SPG11: variants seen among roughly 807,000 people sequenced by gnomAD.
SPG11 encodes SPG11 vesicle trafficking associated, spatacsin.
Under a neutral mutation model 274.0 loss-of-function variants are expected in SPG11, and 222 were observed. That is an observed-to-expected ratio of 0.81 (90% CI 0.73 to 0.91). SPG11 has a LOEUF of 0.91. Among genes scored for constraint, SPG11 ranks in the 40% least tolerant of loss-of-function variants. SPG11 has a pLI of 0.00. For missense variants in SPG11, 3,114 were observed against 2,872.7 expected (o/e 1.08, Z -1.92); for synonymous variants, 1,144 against 1,039.7 (o/e 1.10, Z -1.93).
At chr15:44,586,434 T>A (rs1464949742) in intron 28 of SPG11, among the ~76,000 whole-genome samples, 1 of 151,318 alleles carries the variant, frequency 6.6e-6, no homozygotes, top group African/African-American at 2.4e-5. Context: ...TCACTTGAGG[T>A]CAGGAAAGAC....
intron 7 of SPG11, among the ~76,000 whole-genome samples, chr15:44,636,975 T>C (rs1209200782): frequency 9.3e-5 from 7 of 75,612 alleles, no homozygotes; most frequent in Non-Finnish European, 1.9e-4. Context: ...AAAACACAAA[T>C]GTGGTAAAAT....
intron 8 of SPG11, among the ~76,000 whole-genome samples, chr15:44,631,693 C>T (rs1262228872): frequency 6.8e-6 from 1 of 147,308 alleles, no homozygotes; most frequent in Non-Finnish European, 1.5e-5. Context: ...AAAATAGAGG[C>T]TGAGTCTCAC....
intron 7 of SPG11, among the ~76,000 whole-genome samples, chr15:44,639,117 CAAATT>C (rs1269507588): frequency 2.0e-5 from 3 of 151,696 alleles, no homozygotes; most frequent in Non-Finnish European, 2.9e-5. Context: ...ATTACAGTAA[CAAATT>C]AAAGGAGATT....
At position 44,589,394 on chromosome 15, in the gene SPG11, C is replaced by A. The variant is rs1317045800; in HGVS notation, c.4764G>T (p.Lys1588Asn). ...SLETLNTAAT[K>N]VHPVIPAMWL... is the part of the protein sequence containing the mutation. ...ACATGGCAGGGATGACAGGGTGGAC[C>A]TTTGTGGCTGCTGTGTTAAGCTATG... is the stretch of plus-strand genomic sequence containing the variant. The change falls in exon 28 of 40, where the codon AAG becomes AAT. Residue 1588 changes from lysine (K) to asparagine (N), a missense_variant. Physicochemically the swap from Lys to Asn is moderately conservative, Grantham distance 94. Transcript: ENST00000261866. The A allele has an allele frequency of 6.2e-7, 1 of 1,614,076 alleles. No homozygotes were observed. The highest frequency in any genetic ancestry group is 1.1e-5 in the South Asian group (1 of 91,078).
At chr15:44,629,017 C>CCCTTT (rs1400294801) in intron 9 of SPG11, among the ~76,000 whole-genome samples, 173 bp from the exon 10 acceptor site, 8 of 152,160 alleles carry the variant, frequency 5.3e-5, no homozygotes, top group Non-Finnish European at 1.2e-4. Context: ...TTTAATATAA[C>CCCTTT]CCTTTCCTTT....
At chr15:44,636,925 C>CAAAAAAAAAAAAACAAAAAAAAAAAAAAA (rs2084275682) in intron 7 of SPG11, among the ~76,000 whole-genome samples, 2 of 19,454 alleles carry the variant, frequency 1.0e-4, no homozygotes, top group East Asian at 2.0e-3. Context: ...GACTCCATCT[C>CAAAAAAAAAAAAACAAAAAAAAAAAAAAA]AAAAAAAAAA....
At chr15:44,623,545 T>C (rs1333014501) in intron 11 of SPG11, among the ~76,000 whole-genome samples, 1 of 152,030 alleles carries the variant, frequency 6.6e-6, no homozygotes, top group African/African-American at 2.4e-5. Flanking sequence ...CTTCCCCTTC[T>C]CATATGAAGT....
chr15:44,570,787 C>T (rs1421810531), intron 33 of SPG11, 129 bp from the exon 34 acceptor site: 1 of 1,196,244 alleles, frequency 8.4e-7, no homozygotes, highest in Non-Finnish European at 1.2e-6. Context: ...CCCATCAGCC[C>T]TCCGAAGTCC....
intron 20 of SPG11, among the ~76,000 whole-genome samples, chr15:44,605,747 AC>A (rs2083302251): frequency 6.6e-6 from 1 of 152,226 alleles, no homozygotes; most frequent in Admixed American, 6.5e-5. Context: ...TTTTTATGAT[AC>A]TATACTGGAA....
At chr15:44,572,415 G>A (rs573731907) in intron 33 of SPG11, 13 of 440,776 alleles carry the variant, frequency 2.9e-5, no homozygotes, top group Middle Eastern at 6.8e-4. Flanking sequence ...GGACAATAAC[G>A]TTCTCTTTGC....
At chr15:44,564,785 A>G in intron 38 of SPG11, 87 bp from the exon 39 acceptor site, 2 of 1,398,588 alleles carry the variant, frequency 1.4e-6, no homozygotes, top group Non-Finnish European at 2.0e-6. Context: ...AATACTGTAT[A>G]CTCACTCATG....
intron 7 of SPG11, among the ~76,000 whole-genome samples, chr15:44,640,471 T>C (rs183093524): frequency 2.0e-5 from 3 of 152,296 alleles, no homozygotes; most frequent in Admixed American, 1.3e-4. Context: ...GTAATTCTAA[T>C]ATAAATCCTA....
chr15:44,566,041 G>A, intron 37 of SPG11, 32 bp from the exon 38 acceptor site: 2 of 1,612,778 alleles, frequency 1.2e-6, no homozygotes, highest in South Asian at 1.1e-5. Flanking sequence ...GCACAGTAGA[G>A]AAAGACCTAG....
chr15:44,615,863 C>CA (rs1200851195), intron 15 of SPG11, among the ~76,000 whole-genome samples: 1 of 152,090 alleles, frequency 6.6e-6, no homozygotes, highest in Admixed American at 6.5e-5. Context: ...CCCAGTATAG[C>CA]AACAGTGGTT....
chr15:44,643,300 A>G (rs959863742), intron 7 of SPG11, among the ~76,000 whole-genome samples: 1 of 152,194 alleles, frequency 6.6e-6, no homozygotes, highest in Non-Finnish European at 1.5e-5. Flanking sequence ...ATGAGATAAC[A>G]CTTGTCTATT....
Position 44,600,449 on chromosome 15 carries a change from T to C in SPG11, c.3686+18A>G. 1 of 1,613,688 alleles carries C rather than the reference T, an allele frequency of 6.2e-7. No homozygotes were observed. The highest frequency in any genetic ancestry group is 8.5e-7 in the Non-Finnish European group (1 of 1,179,768). On this transcript the variant is annotated intron_variant, in intron 21 of 39. Transcript: ENST00000261866. ...GTGAACCACTGTACCCAGACAAAAT[T>C]ATATTTTAAATACTCACAGCTGCTT...
chr15:44,635,418 T>C (rs1282552389), intron 7 of SPG11, among the ~76,000 whole-genome samples: 1 of 150,930 alleles, frequency 6.6e-6, no homozygotes, highest in Non-Finnish European at 1.5e-5. Context: ...CTAAAAAGGT[T>C]TTAGTAAAGA....
intron 30 of SPG11, 23 bp from the exon 31 acceptor site, chr15:44,575,064 G>A (rs765637384): frequency 1.2e-6 from 2 of 1,613,074 alleles, no homozygotes; most frequent in East Asian, 2.2e-5. Context: ...ACAAGTCTGA[G>A]GGGCTCTAAG....
chr15:44,603,049 G>T (rs1029739450), intron 20 of SPG11, among the ~76,000 whole-genome samples: 1 of 150,020 alleles, frequency 6.7e-6, no homozygotes, highest in African/African-American at 2.5e-5. Context: ...TTCTCCAACA[G>T]GCAATTTTTT....
Sources: allele counts gnomAD v4.1 joint callset (sites outside exome capture counted in the v4.1 genomes callset), GRCh38; gene constraint gnomAD v4.1.1; transcripts MANE v1.5; gene names NCBI Gene and HGNC (gene_info 2026-07-23, HGNC 2026-07-21).